CCT5: variants seen among roughly 807,000 people sequenced by gnomAD.
The protein encoded by CCT5 is T-complex protein 1 subunit epsilon.
In CCT5, 6 loss-of-function variants were observed where a neutral mutation model predicts 55.0. The observed-to-expected ratio is 0.11, with a 90% CI of 0.06 to 0.22. The LOEUF is 0.22. CCT5 is among the 10% of genes least tolerant of loss of function. The probability of loss-of-function intolerance (pLI) is 1.00; values close to 1 mark genes in which losing one functional copy is unlikely to be tolerated. For synonymous variants in CCT5, 231 were observed against 243.7 expected (o/e 0.95, Z 0.49); for missense variants, 560 against 694.6 (o/e 0.81, Z 2.18).
At chr5:10,250,503 T>C (rs906760573) in intron 1 of CCT5, 58 bp downstream of exon 1, 36 of 1,601,270 alleles carry the variant, frequency 2.2e-5, no homozygotes, top group Middle Eastern at 4.5e-4. Context: ...AGGCCGTGGC[T>C]CTGCGCCTGC....
intron 1 of CCT5, among the ~76,000 whole-genome samples, chr5:10,253,315 A>G (rs1182726227): frequency 8.2e-6 from 1 of 121,536 alleles, no homozygotes; most frequent in Non-Finnish European, 1.7e-5. Flanking sequence ...TTTGAGACAC[A>G]GCAAGACTGT....
chr5:10,250,065 C>G, upstream of CCT5: 2 of 1,539,630 alleles, frequency 1.3e-6, no homozygotes, highest in African/African-American at 2.7e-5. Context: ...TAAAAAATGA[C>G]AAATTCAATC....
chr5:10,264,266 C>A (rs1304648371), intron 10 of CCT5, among the ~76,000 whole-genome samples: 1 of 151,024 alleles, frequency 6.6e-6, no homozygotes, highest in Non-Finnish European at 1.5e-5. Flanking sequence ...CACCTGTCTC[C>A]AAAAAAAAAA....
intron 3 of CCT5, among the ~76,000 whole-genome samples, chr5:10,255,436 C>T (rs1176989724): frequency 1.3e-5 from 2 of 151,282 alleles, no homozygotes; most frequent in Non-Finnish European, 2.9e-5. Flanking sequence ...GTTACCTTTT[C>T]TGCAGATGAA....
chr5:10,254,392 C>CTTTT (rs57187607), intron 2 of CCT5, 187 bp downstream of exon 2: 12 of 516,338 alleles, frequency 2.3e-5, no homozygotes, highest in South Asian at 9.5e-5. Context: ...TAGGTCGGAC[C>CTTTT]TTTTTTTTTT....
intron 1 of CCT5, among the ~76,000 whole-genome samples, chr5:10,252,908 C>T (rs1181192466): frequency 6.6e-6 from 1 of 151,798 alleles, no homozygotes; most frequent in African/African-American, 2.4e-5. Context: ...TTCTTTCTGC[C>T]TCTTGCTTTC....
rs777521929 is a variant in CCT5, at chr5:10,263,198, C to T, written c.1382C>T (p.Ala461Val). The T allele has an allele frequency of 3.1e-6, 5 of 1,614,164 alleles. No homozygotes were observed. The highest frequency in any genetic ancestry group is 1.3e-5 in the African/African-American group (1 of 75,060). The change falls in exon 10 of 11, where the codon GCC (alanine) becomes GTC (valine). Residue 461 changes from alanine to valine, a missense_variant. Transcript: ENST00000280326. ...FADALEVIPMALSENSGMNPI... is the reference protein window; with the variant it reads ...FADALEVIPMVLSENSGMNPI... ...GACGCACTGGAGGTCATCCCCATGGCCCTCTCTGAAAACAGTGGCATGAAT... is the reference window on the plus strand; with the variant it reads ...GACGCACTGGAGGTCATCCCCATGGTCCTCTCTGAAAACAGTGGCATGAAT...
rs558230250 is a variant in CCT5, at chr5:10,260,350, T to C, written c.874-442T>C. On this transcript the variant is annotated intron_variant, in intron 6 of 10. Coordinates refer to ENST00000280326, the MANE Select transcript of CCT5 (RefSeq NM_012073.5). ...AATTAGTTTATGGATCCACTGAGGA[T>C]TGTCCACTCAGGTGAGACAGTCAAG... Among the ~76,000 whole-genome samples, 15 of 152,338 alleles carry C rather than the reference T, an allele frequency of 9.8e-5. 1 individual carries two copies. The South Asian group carries it at 2.7e-3, about 27-fold the overall frequency.
In CCT5 at chr5:10,258,159, C is replaced by T. The variant is rs766038337; in HGVS notation, c.579C>T (p.Val193=). 5.0e-6 allele frequency: 8 copies of T among 1,614,192 alleles called. No homozygotes were observed. The highest frequency in any genetic ancestry group is 5.9e-6 in the Non-Finnish European group (7 of 1,180,038). The change falls in exon 5 of 11, where the codon GTC becomes GTT. Residue 193 remains valine (V), a synonymous_variant. Transcript: ENST00000280326. ...TGGCTGAGATTGCTGTGAATGCCGT[C>T]CTCACTGTAGCAGATATGGAGCGGA... ...RQMAEIAVNA[V]LTVADMERRD... is the part of the protein sequence containing the mutation.
At position 10,258,098 on chromosome 5, in the gene CCT5, G is replaced by T. The variant is rs370943521; in HGVS notation, c.531-13G>T. The T allele has an allele frequency of 2.7e-5, 43 of 1,613,698 alleles. No individual in the cohort carries two copies. Among genetic ancestry groups the T allele is most frequent in the Non-Finnish European group, 3.6e-5 (42 of 1,179,858 alleles). On this transcript the variant is annotated splice_polypyrimidine_tract_variant and intron_variant, in intron 4 of 10. Coordinates refer to ENST00000280326, the MANE Select transcript of CCT5 (RefSeq NM_012073.5). ...TGAAACCAATGAAGTTTGTTTTGTGGTGTTTTCCTCAGGGTCAACAGTTGT... is the reference window on the plus strand; with the variant it reads ...TGAAACCAATGAAGTTTGTTTTGTGTTGTTTTCCTCAGGGTCAACAGTTGT...
upstream of CCT5, chr5:10,249,957 T>G: frequency 7.0e-7 from 1 of 1,438,428 alleles, no homozygotes. Flanking sequence ...CCTACCATCT[T>G]CTCGGAGCCG....
chr5:10,252,973 G>GA (rs763053311), intron 1 of CCT5, among the ~76,000 whole-genome samples: 88 of 146,748 alleles, frequency 6.0e-4, no homozygotes, highest in Middle Eastern at 6.8e-3. Context: ...AGCTAAATGT[G>GA]AAAAAAAAAA....
upstream of CCT5, chr5:10,249,936 C>CAAAAAAAAAAAA: frequency 9.0e-6 from 3 of 334,132 alleles, no homozygotes; most frequent in Non-Finnish European, 1.4e-5. Flanking sequence ...AAAAAAAAAC[C>CAAAAAAAAAAAA]GGAAATGGGT....
intron 7 of CCT5, 24 bp downstream of exon 7, chr5:10,260,935 C>A (rs1321570012): frequency 6.2e-7 from 1 of 1,613,238 alleles, no homozygotes; most frequent in South Asian, 1.1e-5. Context: ...CGTGAAGAGA[C>A]TTTGAGAAGT....
intron 7 of CCT5, 132 bp from the exon 8 acceptor site, chr5:10,261,428 C>T: frequency 1.2e-6 from 1 of 825,098 alleles, no homozygotes; most frequent in Non-Finnish European, 2.1e-6. Context: ...CTGGAGATGT[C>T]TCGGTCAAAG....
chr5:10,260,886 G>C lies in CCT5; in HGVS notation c.968G>C (p.Arg323Pro). The C allele has an allele frequency of 6.2e-7, 1 of 1,614,058 alleles. No homozygotes were observed. The highest frequency in any genetic ancestry group is 8.5e-7 in the Non-Finnish European group (1 of 1,179,950). Reference sequence around the variant, plus strand: ...CTTCAGAACAACTTGCCTGCGGTTCGCTGGGTAGGAGGACCTGAAATTGAG... The same window carrying C: ...CTTCAGAACAACTTGCCTGCGGTTCCCTGGGTAGGAGGACCTGAAATTGAG... ...LLLQNNLPAV[R>P]WVGGPEIELI... The change falls in exon 7 of 11, where the codon CGC (arginine) becomes CCC (proline). Residue 323 changes from arginine (R) to proline (P), a missense_variant. By Grantham distance (103) the Arg-to-Pro change is moderately radical. This residue lies in a region of CCT5 where 256 missense variants were observed against 372.4 expected (regional missense o/e 0.69). Transcript: ENST00000280326.
At chr5:10,261,771 A>G (rs1745973216) in intron 8 of CCT5, 26 bp downstream of exon 8, 1 of 1,595,484 alleles carries the variant, frequency 6.3e-7, no homozygotes, top group East Asian at 2.2e-5. Context: ...TTTGTCCTAT[A>G]CTGTTGCTTA....
At chr5:10,252,497 C>G (rs745598742) in intron 1 of CCT5, among the ~76,000 whole-genome samples, 2 of 152,042 alleles carry the variant, frequency 1.3e-5, no homozygotes, top group African/African-American at 2.4e-5. Flanking sequence ...CGCCTGTAAT[C>G]CCAGAACTTT....
At position 10,265,996 on chromosome 5, in the gene CCT5, G is replaced by A. The variant is rs1400049499; in HGVS notation, c.*1213G>A. The A allele has an allele frequency of 1.3e-5, 2 of 152,106 alleles. No individual in the cohort carries two copies. The highest frequency in any genetic ancestry group is 4.8e-5 in the African/African-American group (2 of 41,394). 9.4% of individuals were successfully genotyped at this position (152,106 alleles called of 1,614,324 possible). ...GAGATTCACCAGTCTTAACTTTTGG[G>A]TCATTGTGTTTTCTCTACATTCATG... On this transcript the variant is annotated 3_prime_UTR_variant, in exon 11 of 11. Transcript: ENST00000280326.
Sources: gnomAD v4.1 joint callset for allele counts (sites outside exome capture counted in the v4.1 genomes callset) on GRCh38, gnomAD v4.1.1 for gene constraint, gnomAD v4.1.1 regional missense constraint, MANE v1.5 for transcripts, NCBI Gene and HGNC (gene_info 2026-07-23, HGNC 2026-07-21) for gene names.